Variants in COL13A1 observed in about 807,000 individuals in gnomAD.
COL13A1 encodes the protein collagen alpha-1(XIII) chain.
In COL13A1, 89 loss-of-function variants were observed where a neutral mutation model predicts 130.9. The ratio of observed to expected loss-of-function variants is 0.68; its 90% CI spans 0.57 to 0.81. The LOEUF (loss-of-function observed/expected upper bound fraction) is 0.81, where lower values mean the gene tolerates loss of function less well. Among genes scored for constraint, COL13A1 ranks in the 30% least tolerant of loss-of-function variants. The probability of loss-of-function intolerance (pLI) is 0.00; values close to 1 mark genes in which losing one functional copy is unlikely to be tolerated. For missense variants in COL13A1, 879 were observed against 934.6 expected (o/e 0.94, Z 0.78); for synonymous variants, 402 against 341.6 (o/e 1.18, Z -1.95).
intron 40 of COL13A1, 79 bp from the exon 41 acceptor site, chr10:69,958,620 A>G (rs1346424688): frequency 6.2e-7 from 1 of 1,608,412 alleles, no homozygotes; most frequent in Admixed American, 1.7e-5. Flanking sequence ...GACAAGATTT[A>G]CCTCCCTTCC....
intron 6 of COL13A1, among the ~76,000 whole-genome samples, chr10:69,879,645 TCAG>T (rs1271451730): frequency 6.6e-6 from 1 of 152,256 alleles, no homozygotes; most frequent in Non-Finnish European, 1.5e-5. Context: ...AGAGCCGCTC[TCAG>T]CATTCCTGTT....
chr10:69,869,985 T>C (rs753904276), intron 3 of COL13A1, among the ~76,000 whole-genome samples: 37 of 152,328 alleles, frequency 2.4e-4, no homozygotes, highest in Non-Finnish European at 2.1e-4. Flanking sequence ...TGTAACATAG[T>C]GATTATGAGC....
At chr10:69,888,412 G>A (rs1480823745) in intron 9 of COL13A1, 82 bp downstream of exon 9, 3 of 1,544,456 alleles carry the variant, frequency 1.9e-6, no homozygotes, top group Non-Finnish European at 2.6e-6. Flanking sequence ...TGAATCCTTG[G>A]AAAATGCTTT....
chr10:69,835,284 G>A (rs975860905), intron 2 of COL13A1, among the ~76,000 whole-genome samples: 1 of 152,154 alleles, frequency 6.6e-6, no homozygotes, highest in African/African-American at 2.4e-5. Flanking sequence ...TGGAGGAAAG[G>A]AGCAGCAAGT....
chr10:69,907,308 G>C (rs1589435878), intron 17 of COL13A1, among the ~76,000 whole-genome samples: 1 of 152,172 alleles, frequency 6.6e-6, no homozygotes, highest in African/African-American at 2.4e-5. Flanking sequence ...GTGTGTCTTA[G>C]TCCATTTCAT....
intron 13 of COL13A1, among the ~76,000 whole-genome samples, chr10:69,897,991 T>C (rs577072755): frequency 9.9e-5 from 15 of 152,248 alleles, no homozygotes; most frequent in Admixed American, 5.2e-4. Context: ...GGAGATATCT[T>C]TGCCCAGCCT....
chr10:69,940,560 C>T (rs936082695), intron 34 of COL13A1, among the ~76,000 whole-genome samples: 7 of 152,302 alleles, frequency 4.6e-5, no homozygotes, highest in South Asian at 4.2e-4. Flanking sequence ...GAGCCGTCCT[C>T]ACCTGGGGCC....
At chr10:69,912,927 C>G (rs1383707555) in intron 17 of COL13A1, among the ~76,000 whole-genome samples, 1 of 152,222 alleles carries the variant, frequency 6.6e-6, no homozygotes, top group Non-Finnish European at 1.5e-5. Context: ...AAGGATGCAT[C>G]CTCCCACCTG....
chr10:69,941,930 C>A (rs989835944), intron 35 of COL13A1, among the ~76,000 whole-genome samples: 3 of 152,200 alleles, frequency 2.0e-5, no homozygotes, highest in Non-Finnish European at 4.4e-5. Context: ...CCAGGGAGGC[C>A]CTGCTCTGTC....
chr10:69,881,348 C>T (rs974280381), intron 7 of COL13A1, among the ~76,000 whole-genome samples: 13 of 152,268 alleles, frequency 8.5e-5, no homozygotes, highest in South Asian at 4.1e-4. Context: ...CGAGGAGCCC[C>T]GGCCTCACCA....
chr10:69,880,523 GCTGTCCATCATTGGTCCCCGCGGC>G lies in COL13A1; in HGVS notation c.485_508del (p.Leu162_Gly169del). ...CGCAGGGGTCCCCCGGAGACGCTGGGCTGTCCATCATTGGTCCCCGCGGCCCCCCTGTAAGTTGTTTTTGCTCTT... is the reference window on the plus strand; with the variant it reads ...CGCAGGGGTCCCCCGGAGACGCTGGGCCCCCTGTAAGTTGTTTTTGCTCTT... On this transcript the variant is annotated inframe_deletion, in exon 7 of 41. Transcript: ENST00000645393. The G allele has an allele frequency of 6.2e-7, 1 of 1,613,478 alleles. No individual in the cohort carries two copies. The highest frequency in any genetic ancestry group is 1.7e-5 in the Admixed American group (1 of 60,006).
intron 35 of COL13A1, among the ~76,000 whole-genome samples, chr10:69,943,464 C>G (rs1047450290): frequency 6.6e-6 from 1 of 152,224 alleles, no homozygotes; most frequent in East Asian, 1.9e-4. Flanking sequence ...AAGCCGTGAG[C>G]TCCAATGGCT....
intron 26 of COL13A1, 140 bp from the exon 27 acceptor site, chr10:69,926,947 G>A: frequency 8.9e-7 from 1 of 1,122,512 alleles, no homozygotes; most frequent in East Asian, 2.5e-5. Context: ...TGGGGGCCAT[G>A]GAGCCCACCT....
intron 29 of COL13A1, 50 bp from the exon 30 acceptor site, chr10:69,930,350 C>A: frequency 6.5e-7 from 1 of 1,532,146 alleles, no homozygotes; most frequent in Admixed American, 2.1e-5. Flanking sequence ...TCCCTCTCTC[C>A]TCTTTTCTCC....
intron 1 of COL13A1, among the ~76,000 whole-genome samples, chr10:69,812,007 C>G (rs1404412067): frequency 6.6e-6 from 1 of 152,172 alleles, no homozygotes; most frequent in South Asian, 2.1e-4. Context: ...GAGCTGCCCC[C>G]CTAACTCTTC....
In COL13A1 at chr10:69,959,047, T is replaced by A. The variant is rs1172524711; in HGVS notation, c.*346T>A. 1 of 273,328 alleles carries A rather than the reference T, an allele frequency of 3.7e-6. No homozygotes were observed. 16.9% of individuals were successfully genotyped at this position (273,328 alleles called of 1,614,324 possible). ...TGGCTAGCTCATGTGTGAATTCACA[T>A]AAATGTAGAGGTCCATGATATTTGC... On this transcript the variant is annotated 3_prime_UTR_variant, in exon 41 of 41. Transcript: ENST00000645393.
rs147216058 is a variant in COL13A1, at chr10:69,941,829, C to G, written c.1914+806C>G. On this transcript the variant is annotated intron_variant, in intron 35 of 40. Coordinates refer to ENST00000645393, the MANE Select transcript of COL13A1 (RefSeq NM_001368882.1). Reference sequence around the variant, plus strand: ...TCCCGTGAGCGCCCTCTGAGGTCAACCTTCCCAGGGTATTGAGCTCACTCG... The same window carrying G: ...TCCCGTGAGCGCCCTCTGAGGTCAAGCTTCCCAGGGTATTGAGCTCACTCG... 3.2e-3 allele frequency among the ~76,000 whole-genome samples: 489 copies of G among 152,316 alleles called. 9 individuals carry two copies. In the Middle Eastern group the frequency reaches 0.054, roughly 17 times the overall value.
intron 16 of COL13A1, 52 bp downstream of exon 16, chr10:69,905,011 G>C (rs371527220): frequency 5.8e-6 from 9 of 1,540,244 alleles, no homozygotes; most frequent in Non-Finnish European, 7.9e-6. Context: ...TTCCCTGCAG[G>C]AGGGAGGGGG....
chr10:69,808,822 G>C (rs2763342), intron 1 of COL13A1, among the ~76,000 whole-genome samples: 1 of 152,042 alleles, frequency 6.6e-6, no homozygotes, highest in African/African-American at 2.4e-5. Context: ...TTATTAGTCA[G>C]CTCTCCTCGC....
Sources: allele counts gnomAD v4.1 joint callset (sites outside exome capture counted in the v4.1 genomes callset), GRCh38; gene constraint gnomAD v4.1.1; transcripts MANE v1.5; gene names NCBI Gene and HGNC (gene_info 2026-07-23, HGNC 2026-07-21).